EXOC2: variants seen among roughly 807,000 people sequenced by gnomAD.
EXOC2 encodes the protein exocyst complex component 2.
EXOC2 carries 70 observed loss-of-function variants against 131.8 expected under a neutral mutation model. That is an observed-to-expected ratio of 0.53 (90% confidence interval 0.44 to 0.65). The LOEUF (loss-of-function observed/expected upper bound fraction) is 0.65. Ranked by LOEUF, EXOC2 falls within the 30% of genes least tolerant of loss-of-function variation. EXOC2 has a pLI of 0.00. For synonymous variants in EXOC2, 411 were observed against 398.4 expected, an observed-to-expected ratio of 1.03 and a Z score of -0.38; for missense variants, 923 against 1,108.6, an observed-to-expected ratio of 0.83 and a Z score of 2.38.
chr6:496,554 C>T (rs142031075), intron 25 of EXOC2, among the ~76,000 whole-genome samples: 1,924 of 152,158 alleles, frequency 0.013, 41 homozygotes, highest in African/African-American at 0.042. Context: ...GCCTGTTTTT[C>T]AAGCCAGAAA....
At chr6:498,649 C>T (rs554401810) in intron 24 of EXOC2, among the ~76,000 whole-genome samples, 1 of 152,254 alleles carries the variant, frequency 6.6e-6, no homozygotes, top group African/African-American at 2.4e-5. Flanking sequence ...AACTTCTAGC[C>T]AAATTTAGGA....
chr6:555,925 C>T (rs1757394018), intron 19 of EXOC2, 29 bp downstream of exon 19: 2 of 1,606,200 alleles, frequency 1.2e-6, no homozygotes, highest in South Asian at 1.1e-5. Flanking sequence ...TTATTTGAGG[C>T]TTTCAGCATT....
At position 680,530 on chromosome 6, in the gene EXOC2, G is replaced by A. The variant is rs543291010; in HGVS notation, c.-44+12489C>T. ...TGTGGCAATAAGCATGTATATACATGTTTTAGAAACGTAGGTAGGCCTTAG... is the reference window on the plus strand; with the variant it reads ...TGTGGCAATAAGCATGTATATACATATTTTAGAAACGTAGGTAGGCCTTAG... On this transcript the variant is annotated intron_variant, in intron 1 of 27. Coordinates refer to ENST00000230449, the MANE Select transcript of EXOC2 (RefSeq NM_018303.6). 3.9e-5 allele frequency among the ~76,000 whole-genome samples: 6 copies of A among 152,272 alleles called. 1 individual carries two copies. In the East Asian group the frequency reaches 1.2e-3, roughly 29 times the overall value.
chr6:690,523 G>C (rs1222229038), intron 1 of EXOC2, among the ~76,000 whole-genome samples: 1 of 151,972 alleles, frequency 6.6e-6, no homozygotes, highest in Non-Finnish European at 1.5e-5. Flanking sequence ...TCGCGACGGT[G>C]AAACCCCGTC....
chr6:595,968 G>A (rs1021592704), intron 10 of EXOC2, among the ~76,000 whole-genome samples: 2 of 152,122 alleles, frequency 1.3e-5, no homozygotes, highest in African/African-American at 4.8e-5. Flanking sequence ...GCAGCTTAGA[G>A]AGAAACAAGA....
intron 23 of EXOC2, among the ~76,000 whole-genome samples, chr6:529,846 G>A (rs1314807832): frequency 6.6e-6 from 1 of 152,272 alleles, no homozygotes; most frequent in African/African-American, 2.4e-5. Flanking sequence ...AACAGTTAAT[G>A]TCGTTACATG....
intron 1 of EXOC2, among the ~76,000 whole-genome samples, chr6:690,376 T>C (rs1373424581): frequency 4.6e-5 from 7 of 151,982 alleles, no homozygotes; most frequent in Non-Finnish European, 1.0e-4. Flanking sequence ...CAAACTGAGA[T>C]TGAAGGATGC....
chr6:529,315 C>A (rs1049594076), intron 23 of EXOC2, among the ~76,000 whole-genome samples: 1 of 152,254 alleles, frequency 6.6e-6, no homozygotes, highest in African/African-American at 2.4e-5. Flanking sequence ...ACCTGACAGA[C>A]ATTCTCGACT....
intron 26 of EXOC2, among the ~76,000 whole-genome samples, chr6:489,961 T>A (rs1763327311): frequency 6.6e-6 from 1 of 152,178 alleles, no homozygotes; most frequent in African/African-American, 2.4e-5. Flanking sequence ...CGGTGGGGTG[T>A]GGGACGGGTG....
At chr6:555,814 C>T (rs1199146973) in intron 19 of EXOC2, 140 bp downstream of exon 19, 5 of 818,418 alleles carry the variant, frequency 6.1e-6, no homozygotes, top group Non-Finnish European at 7.4e-6. Flanking sequence ...ACCCACTTAC[C>T]TTAAACTATT....
At chr6:653,165 C>T (rs79342763) in intron 1 of EXOC2, among the ~76,000 whole-genome samples, 2,779 of 152,250 alleles carry the variant, frequency 0.018, 77 homozygotes, top group African/African-American at 0.055. Flanking sequence ...CCCTGAGATG[C>T]GACAATATTG....
intron 17 of EXOC2, among the ~76,000 whole-genome samples, chr6:557,413 A>G (rs910774051): frequency 1.3e-5 from 2 of 152,110 alleles, no homozygotes; most frequent in Admixed American, 6.5e-5. Context: ...AGGTCAAGAG[A>G]TTGAGACCGT....
At chr6:486,804 G>C (rs773546888) in intron 27 of EXOC2, 40 bp from the exon 28 acceptor site, 8 of 1,552,258 alleles carry the variant, frequency 5.2e-6, no homozygotes, top group South Asian at 4.5e-5. Flanking sequence ...CCGACAGATG[G>C]GGCGGCCTAG....
intron 7 of EXOC2, among the ~76,000 whole-genome samples, chr6:608,546 C>A (rs1760547707): frequency 6.6e-6 from 1 of 152,020 alleles, no homozygotes; most frequent in Non-Finnish European, 1.5e-5. Flanking sequence ...TAATACGACA[C>A]TTTTCTGGAA....
At chr6:521,820 G>A (rs1249242004) in intron 23 of EXOC2, among the ~76,000 whole-genome samples, 1 of 152,180 alleles carries the variant, frequency 6.6e-6, no homozygotes, top group Non-Finnish European at 1.5e-5. Context: ...GAACCACCAT[G>A]CCTGGTCTCG....
chr6:575,854 A>G (rs1758549789), intron 12 of EXOC2, among the ~76,000 whole-genome samples: 1 of 152,216 alleles, frequency 6.6e-6, no homozygotes, highest in African/African-American at 2.4e-5. Flanking sequence ...AGAATGTAGG[A>G]GCAAACGGTT....
At chr6:496,536 G>A (rs1413346981) in intron 25 of EXOC2, among the ~76,000 whole-genome samples, 1 of 152,068 alleles carries the variant, frequency 6.6e-6, no homozygotes, top group Non-Finnish European at 1.5e-5. Flanking sequence ...AGTTGTGGCT[G>A]CTCCAAAGCC....
chr6:552,235 G>C (rs1017235189), intron 21 of EXOC2, among the ~76,000 whole-genome samples: 1 of 152,212 alleles, frequency 6.6e-6, no homozygotes, highest in Non-Finnish European at 1.5e-5. Flanking sequence ...CCTCACTGCC[G>C]ACATACCTAG....
At chr6:633,664 G>C (rs1182505976) in intron 2 of EXOC2, among the ~76,000 whole-genome samples, 1 of 152,202 alleles carries the variant, frequency 6.6e-6, no homozygotes, top group Non-Finnish European at 1.5e-5. Context: ...ATCTAGTGAA[G>C]TGTGCTCAGG....
Sources: gnomAD v4.1 joint callset for allele counts (sites outside exome capture counted in the v4.1 genomes callset) on GRCh38, gnomAD v4.1.1 for gene constraint, MANE v1.5 for transcripts, NCBI Gene and HGNC (gene_info 2026-07-23, HGNC 2026-07-21) for gene names.